Variants in SLCO1B3 observed in about 807,000 individuals in gnomAD.
SLCO1B3 encodes liver-specific organic anion transporter 2.
A neutral mutation model predicts 71.8 loss-of-function variants in SLCO1B3; 72 were observed. The ratio of observed to expected loss-of-function variants is 1.00; its 90% CI spans 0.83 to 1.22. SLCO1B3 has a LOEUF of 1.22. Ranked by LOEUF, SLCO1B3 falls within the 50% of genes most tolerant of loss-of-function variation. SLCO1B3 has a pLI of 0.00. For synonymous variants in SLCO1B3, 298 were observed against 278.4 expected (o/e 1.07, Z -0.70); for missense variants, 911 against 819.7 (o/e 1.11, Z -1.36).
At chr12:20,900,909 C>T (rs933287741) in intron 14 of SLCO1B3, among the ~76,000 whole-genome samples, 11 of 152,312 alleles carry the variant, frequency 7.2e-5, no homozygotes, top group East Asian at 1.9e-4. Flanking sequence ...CCTGCCTTTA[C>T]AGCAGTTTAG....
At chr12:20,817,354 G>A (rs1386591921) in intron 3 of SLCO1B3, among the ~76,000 whole-genome samples, 1 of 152,066 alleles carries the variant, frequency 6.6e-6, no homozygotes, top group Non-Finnish European at 1.5e-5. Flanking sequence ...TTAGATTTAA[G>A]TCTTTAGTTC....
At chr12:20,885,768 A>G (rs1291717349) in intron 13 of SLCO1B3, among the ~76,000 whole-genome samples, 1 of 152,014 alleles carries the variant, frequency 6.6e-6, no homozygotes, top group Non-Finnish European at 1.5e-5. Context: ...ACGAAGTACA[A>G]TGACAGAGCT....
chr12:20,862,512 A>G lies in SLCO1B3; in HGVS notation c.582A>G (p.Ser194=). The G allele has an allele frequency of 6.2e-7, 1 of 1,612,304 alleles. No individual in the cohort carries two copies. The highest frequency in any genetic ancestry group is 8.5e-7 in the Non-Finnish European group (1 of 1,178,910). Residue 194 remains serine, a synonymous_variant, in exon 7 of 16, where the codon TCA becomes TCG. Coordinates refer to ENST00000381545, the MANE Select transcript of SLCO1B3 (RefSeq NM_019844.4). The part of the protein sequence containing the change: ...GETPIVPLGI[S]YIDDFAKEGH... ...CCCCCATAGTACCATTGGGGATTTC[A>G]TACATTGATGATTTTGCAAAAGAAG...
intron 4 of SLCO1B3, among the ~76,000 whole-genome samples, chr12:20,855,717 T>C (rs1753296374): frequency 6.6e-6 from 1 of 150,902 alleles, no homozygotes; most frequent in African/African-American, 2.4e-5. Flanking sequence ...AATTTGGATT[T>C]CTCCAACAAT....
intron 5 of SLCO1B3, 140 bp from the exon 6 acceptor site, chr12:20,860,877 C>T: frequency 2.4e-6 from 2 of 836,990 alleles, no homozygotes; most frequent in South Asian, 1.8e-5. Context: ...GAAATACATG[C>T]TGGGAAGTTG....
chr12:20,892,728 T>C (rs1037381447), intron 13 of SLCO1B3, among the ~76,000 whole-genome samples: 7 of 152,058 alleles, frequency 4.6e-5, no homozygotes, highest in African/African-American at 1.7e-4. Context: ...GATCAGAAAA[T>C]GTGAACTAGT....
intron 15 of SLCO1B3, among the ~76,000 whole-genome samples, chr12:20,903,641 G>C (rs957654432): frequency 3.3e-5 from 5 of 152,048 alleles, no homozygotes; most frequent in African/African-American, 1.2e-4. Flanking sequence ...GACCTCATGA[G>C]AACTCACTCA....
Position 20,812,287 on chromosome 12 carries a change from T to A in SLCO1B3, c.-180-1237T>A, listed in dbSNP as rs1864122143. Among the ~76,000 whole-genome samples, 3 of 152,154 alleles carry A rather than the reference T, an allele frequency of 2.0e-5. No individual in the cohort carries two copies. In the South Asian group the frequency reaches 6.2e-4, roughly 31 times the overall value. On this transcript the variant is annotated intron_variant, in intron 1 of 15. Transcript: ENST00000381545. Reference sequence around the variant, plus strand: ...TATTTTTCTGGATGGGTATTTTATCTGAACATAAAAGAGAGAGGTGTGGAA... The same window carrying A: ...TATTTTTCTGGATGGGTATTTTATCAGAACATAAAAGAGAGAGGTGTGGAA...
chr12:20,871,854 G>A (rs1053411968), intron 8 of SLCO1B3, among the ~76,000 whole-genome samples: 6 of 151,960 alleles, frequency 3.9e-5, no homozygotes, highest in African/African-American at 7.3e-5. Flanking sequence ...ACTGGGTCTT[G>A]CCCAAGGCCC....
intron 15 of SLCO1B3, among the ~76,000 whole-genome samples, chr12:20,905,260 T>A (rs764282806): frequency 1.4e-4 from 22 of 152,164 alleles, no homozygotes; most frequent in Admixed American, 5.2e-4. Flanking sequence ...GCCTCCAGGC[T>A]GGTGATAGGA....
chr12:20,909,894 A>G (rs1866340132), intron 15 of SLCO1B3, among the ~76,000 whole-genome samples: 1 of 152,172 alleles, frequency 6.6e-6, no homozygotes, highest in African/African-American at 2.4e-5. Flanking sequence ...TGAATTATAT[A>G]AATGATTTGT....
chr12:20,814,619 G>A (rs1032561119), intron 2 of SLCO1B3, among the ~76,000 whole-genome samples: 4 of 152,072 alleles, frequency 2.6e-5, no homozygotes, highest in Non-Finnish European at 5.9e-5. Flanking sequence ...GGCTGGGCGC[G>A]GTGGTTCACG....
Position 20,877,797 on chromosome 12 carries a change from C to T in SLCO1B3, c.996C>T (p.Ile332=). Residue 332 remains isoleucine (I), a synonymous_variant, in exon 10 of 16, where the codon ATC becomes ATT. Coordinates refer to ENST00000381545, the MANE Select transcript of SLCO1B3 (RefSeq NM_019844.4). ...GTTTTTTCCAGTCTTTGAAAAGCAT[C>T]CTTACCAATCCCCTGTATGTTATAT... ...VTGFFQSLKS[I]LTNPLYVIFL... 2 of 1,484,542 alleles carry T rather than the reference C, an allele frequency of 1.3e-6. No individual in the cohort carries two copies. The highest frequency in any genetic ancestry group is 9.0e-7 in the Non-Finnish European group (1 of 1,113,420). 92.0% of individuals were successfully genotyped at this position (1,484,542 alleles called of 1,614,324 possible).
intron 15 of SLCO1B3, among the ~76,000 whole-genome samples, chr12:20,915,073 G>A (rs1394177114): frequency 6.6e-6 from 1 of 151,820 alleles, no homozygotes; most frequent in African/African-American, 2.4e-5. Flanking sequence ...AAAATTTTCT[G>A]TACTTATTAT....
intron 3 of SLCO1B3, among the ~76,000 whole-genome samples, chr12:20,818,115 C>G (rs552954558): frequency 1.4e-4 from 21 of 152,092 alleles, no homozygotes; most frequent in African/African-American, 4.6e-4. Flanking sequence ...AGACTGGGGC[C>G]TAATAAAAAG....
At chr12:20,867,761 A>C (rs1267954340) in intron 8 of SLCO1B3, among the ~76,000 whole-genome samples, 1 of 152,204 alleles carries the variant, frequency 6.6e-6, no homozygotes, top group Non-Finnish European at 1.5e-5. Flanking sequence ...GAGAAATGAT[A>C]AAGTAACAAA....
chr12:20,850,675 T>C lies in SLCO1B3; in HGVS notation c.85-4353T>C, dbSNP rs150324274. ...TATTCTCCTAACTTCCACCCTCAGG[T>C]AGCCACAATGTCTATTGTTCCCTTC... On this transcript the variant is annotated intron_variant, in intron 3 of 15. Transcript: ENST00000381545. Among the ~76,000 whole-genome samples, 1,115 of 152,296 alleles carry C rather than the reference T, an allele frequency of 7.3e-3. 16 individuals carry two copies. The highest frequency in any genetic ancestry group is 0.026 in the African/African-American group (1,064 of 41,556).
chr12:20,856,394 T>C (rs938219309), intron 4 of SLCO1B3, among the ~76,000 whole-genome samples: 5 of 152,054 alleles, frequency 3.3e-5, no homozygotes, highest in African/African-American at 1.2e-4. Flanking sequence ...AATATAAAAC[T>C]TAAAAATGGC....
At chr12:20,904,179 G>A (rs1033059943) in intron 15 of SLCO1B3, among the ~76,000 whole-genome samples, 19 of 151,388 alleles carry the variant, frequency 1.3e-4, no homozygotes, top group African/African-American at 3.6e-4. Flanking sequence ...GGTGGAGCTT[G>A]CAGTGGGCCG....
Sources: gnomAD v4.1 joint callset for allele counts (sites outside exome capture counted in the v4.1 genomes callset) on GRCh38, gnomAD v4.1.1 for gene constraint, MANE v1.5 for transcripts, NCBI Gene and HGNC (gene_info 2026-07-23, HGNC 2026-07-21) for gene names.